The following HDAC9 variants were observed in gnomAD, a reference collection of about 807,000 sequenced individuals.
HDAC9 encodes the protein MEF-2 interacting transcription repressor (MITR) protein.
Under a neutral mutation model 139.4 loss-of-function variants are expected in HDAC9, and 41 were observed. That is an observed-to-expected ratio of 0.29 (90% confidence interval 0.23 to 0.38). The LOEUF is 0.38. Ranked by LOEUF, HDAC9 falls within the 10% of genes least tolerant of loss-of-function variation. The pLI, the probability that HDAC9 is intolerant of heterozygous loss-of-function variation, is 1.00. For missense variants in HDAC9, 1,147 were observed against 1,297.0 expected, an observed-to-expected ratio of 0.88 and a Z score of 1.78; for synonymous variants, 517 against 476.2, an observed-to-expected ratio of 1.09 and a Z score of -1.12.
intron 25 of HDAC9, among the ~76,000 whole-genome samples, chr7:18,990,701 T>G (rs554897007): frequency 1.3e-5 from 2 of 152,240 alleles, no homozygotes; most frequent in African/African-American, 2.4e-5. Flanking sequence ...GTCAGCGAGA[T>G]TCTGTGGGCG....
intron 16 of HDAC9, among the ~76,000 whole-genome samples, chr7:18,775,300 A>C (rs1216823702): frequency 6.6e-6 from 1 of 152,086 alleles, no homozygotes; most frequent in African/African-American, 2.4e-5. Context: ...ATGCTGCTGG[A>C]AAAATGACGC....
intron 13 of HDAC9, among the ~76,000 whole-genome samples, chr7:18,732,870 C>CACACGTGTGTATGTGTGCGTGTGTAT (rs1786359642): frequency 1.6e-5 from 1 of 63,126 alleles, no homozygotes. Context: ...CGTATGTGTA[C>CACACGTGTGTATGTGTGCGTGTGTAT]ACACACACGT....
At chr7:18,238,404 A>G (rs1793966444) in intron 2 of HDAC9, among the ~76,000 whole-genome samples, 1 of 152,208 alleles carries the variant, frequency 6.6e-6, no homozygotes, top group African/African-American at 2.4e-5. Flanking sequence ...TTGACCGATG[A>G]ACTTTCCACA....
At chr7:18,211,907 T>C (rs1791964141) in intron 2 of HDAC9, among the ~76,000 whole-genome samples, 1 of 151,958 alleles carries the variant, frequency 6.6e-6, no homozygotes, top group Admixed American at 6.6e-5. Context: ...GAGTGGGAGT[T>C]TGAGGGACAA....
intron 2 of HDAC9, among the ~76,000 whole-genome samples, chr7:18,527,014 T>C (rs1807167840): frequency 6.6e-6 from 1 of 152,134 alleles, no homozygotes. Flanking sequence ...TGATTTAGTA[T>C]AGAAAAAGGT....
At chr7:18,200,770 G>A (rs185402608) in intron 2 of HDAC9, among the ~76,000 whole-genome samples, 16 of 152,222 alleles carry the variant, frequency 1.1e-4, no homozygotes, top group African/African-American at 3.6e-4. Flanking sequence ...TTTCACAGAG[G>A]TCAATGTCCT....
At chr7:18,218,455 A>G (rs1233628965) in intron 2 of HDAC9, among the ~76,000 whole-genome samples, 6 of 152,092 alleles carry the variant, frequency 3.9e-5, no homozygotes, top group South Asian at 4.1e-4. Flanking sequence ...AAATAAATAA[A>G]TAAATAAATA....
intron 1 of HDAC9, among the ~76,000 whole-genome samples, chr7:18,149,775 C>T (rs973409840): frequency 3.3e-5 from 5 of 151,994 alleles, no homozygotes; most frequent in Admixed American, 2.0e-4. Flanking sequence ...AGGATGGTCT[C>T]GATCTCCTGA....
At chr7:18,525,349 A>G (rs1025444291) in intron 2 of HDAC9, among the ~76,000 whole-genome samples, 1 of 152,290 alleles carries the variant, frequency 6.6e-6, no homozygotes, top group African/African-American at 2.4e-5. Flanking sequence ...ACCTAAAAAT[A>G]CCAAGGATTT....
intron 1 of HDAC9, among the ~76,000 whole-genome samples, chr7:18,430,135 A>G (rs1562978274): frequency 6.6e-6 from 1 of 152,226 alleles, no homozygotes; most frequent in Non-Finnish European, 1.5e-5. Flanking sequence ...GGAATGCCAA[A>G]GCTTGGAAAT....
intron 1 of HDAC9, among the ~76,000 whole-genome samples, chr7:18,393,051 A>G (rs555790322): frequency 1.3e-5 from 2 of 152,006 alleles, no homozygotes; most frequent in South Asian, 4.1e-4. Context: ...CAGAACAGTG[A>G]TTCACTTGTG....
chr7:18,090,869 A>G (rs1435291548), intron 1 of HDAC9, among the ~76,000 whole-genome samples: 1 of 152,200 alleles, frequency 6.6e-6, no homozygotes, highest in African/African-American at 2.4e-5. Context: ...AAAAAAGAAA[A>G]GGACAGAAAC....
chr7:18,786,796 T>TTCCTTCCTTCCTTCCTTCCTTCC (rs1791846310), intron 16 of HDAC9, among the ~76,000 whole-genome samples: 1 of 44,014 alleles, frequency 2.3e-5, no homozygotes, highest in Non-Finnish European at 5.3e-5. Context: ...TCTTTCTTTC[T>TTCCTTCCTTCCTTCCTTCCTTCC]TTCCTTCCTT....
chr7:18,830,470 C>A (rs1204271723), intron 19 of HDAC9, among the ~76,000 whole-genome samples: 1 of 152,090 alleles, frequency 6.6e-6, no homozygotes, highest in Non-Finnish European at 1.5e-5. Context: ...AAGTGCAAGC[C>A]TTAATAGTCT....
intron 17 of HDAC9, among the ~76,000 whole-genome samples, chr7:18,817,644 T>G (rs1794670394): frequency 6.6e-6 from 1 of 152,226 alleles, no homozygotes; most frequent in Admixed American, 6.5e-5. Context: ...TATACTTTAT[T>G]TTCATTATGC....
chr7:18,670,116 A>C lies in HDAC9; in HGVS notation c.1731+3640A>C, dbSNP rs183386072. ...AAGTGTACAATTTTGAATCGCTGTAATATGTATAAATTGTAGGTGTGTGAT... is the reference window on the plus strand; with the variant it reads ...AAGTGTACAATTTTGAATCGCTGTACTATGTATAAATTGTAGGTGTGTGAT... On this transcript the variant is annotated intron_variant, in intron 12 of 25. Coordinates refer to ENST00000686413, the MANE Select transcript of HDAC9 (RefSeq NM_178425.4). Among the ~76,000 whole-genome samples the C allele has an allele frequency of 2.0e-5, 3 of 151,972 alleles. No homozygotes were observed. The East Asian group carries it at 5.8e-4, about 30-fold the overall frequency.
At position 18,840,442 on chromosome 7, in the gene HDAC9, C is replaced by T. The variant is rs73683574; in HGVS notation, c.2684+4445C>T. 5.9e-3 allele frequency among the ~76,000 whole-genome samples: 890 copies of T among 152,092 alleles called. 12 individuals carry two copies. The highest frequency in any genetic ancestry group is 0.021 in the African/African-American group (857 of 41,522). Reference sequence around the variant, plus strand: ...TGCACTGAGGTTGTCAGTATGCCAACTGAAAAGGGGACTTTGAGAGAGTTG... The same window carrying T: ...TGCACTGAGGTTGTCAGTATGCCAATTGAAAAGGGGACTTTGAGAGAGTTG... On this transcript the variant is annotated intron_variant, in intron 21 of 25. Coordinates refer to ENST00000686413, the MANE Select transcript of HDAC9 (RefSeq NM_178425.4).
intron 11 of HDAC9, among the ~76,000 whole-genome samples, chr7:18,653,271 G>T (rs1332585706): frequency 1.3e-5 from 2 of 149,708 alleles, no homozygotes; most frequent in Non-Finnish European, 3.0e-5. Context: ...GTAATACAGT[G>T]TGTTAAGTAT....
At chr7:18,482,352 T>A (rs1384165087) in intron 1 of HDAC9, among the ~76,000 whole-genome samples, 2 of 88,802 alleles carry the variant, frequency 2.3e-5, no homozygotes, top group African/African-American at 4.8e-5. Flanking sequence ...GAGACCAGCC[T>A]GGGCAACATA....
Sources: gnomAD v4.1 joint callset for allele counts (sites outside exome capture counted in the v4.1 genomes callset) on GRCh38, gnomAD v4.1.1 for gene constraint, MANE v1.5 for transcripts, NCBI Gene and HGNC (gene_info 2026-07-23, HGNC 2026-07-21) for gene names.